The following SSX2IP variants were observed in gnomAD, a reference collection of about 807,000 sequenced individuals.
SSX2IP encodes the protein SSX family member 2 interacting protein.
Under a neutral mutation model 84.9 loss-of-function variants are expected in SSX2IP, and 55 were observed. The ratio of observed to expected loss-of-function variants is 0.65; its 90% confidence interval spans 0.52 to 0.81. The LOEUF (loss-of-function observed/expected upper bound fraction) is 0.81, where lower values mean the gene tolerates loss of function less well. Among genes scored for constraint, SSX2IP ranks in the 30% least tolerant of loss-of-function variants. The pLI, the probability that SSX2IP is intolerant of heterozygous loss-of-function variation, is 0.00. For missense variants in SSX2IP, 664 were observed against 705.2 expected, an observed-to-expected ratio of 0.94 and a Z score of 0.66; for synonymous variants, 239 against 234.7, an observed-to-expected ratio of 1.02 and a Z score of -0.17.
At chr1:84,666,048 C>G in intron 5 of SSX2IP, 74 bp downstream of exon 5, 1 of 1,069,088 alleles carries the variant, frequency 9.4e-7, no homozygotes, top group Non-Finnish European at 1.4e-6. Flanking sequence ...AGTAAAGTGG[C>G]TCTTATGGTC....
intron 13 of SSX2IP, 79 bp from the exon 14 acceptor site, chr1:84,647,686 C>A (rs1649643498): frequency 2.6e-5 from 24 of 927,308 alleles, no homozygotes; most frequent in East Asian, 1.6e-4. Context: ...TGGCACTCTT[C>A]AAAAAAAATA....
intron 1 of SSX2IP, among the ~76,000 whole-genome samples, chr1:84,689,201 G>A (rs1656232304): frequency 1.3e-5 from 2 of 152,110 alleles, no homozygotes; most frequent in South Asian, 2.1e-4. Flanking sequence ...GAACTTTAAA[G>A]GCATTTCTTT....
In SSX2IP at chr1:84,669,783, C is replaced by T; in HGVS notation, c.324G>A (p.Val108=). ...GAGCTAGAAGGTTCTTCCGCTGAAG[C>T]ACAAGCAGCTCATTCATACAATTTA... The part of the protein sequence containing the change: ...AVLNCMNELL[V]LQRKNLLAQE... The change falls in exon 4 of 14, where the codon GTG becomes GTA. Residue 108 remains valine (V), a synonymous_variant. Coordinates refer to ENST00000342203, the MANE Select transcript of SSX2IP (RefSeq NM_001166293.2). 1 of 1,613,796 alleles carries T rather than the reference C, an allele frequency of 6.2e-7. No homozygotes were observed. Among genetic ancestry groups the T allele is most frequent in the Non-Finnish European group, 8.5e-7 (1 of 1,179,766 alleles).
In SSX2IP at chr1:84,644,386, C is replaced by CAT. The variant is rs774037528; in HGVS notation, c.*3045_*3046dup. On this transcript the variant is annotated 3_prime_UTR_variant, in exon 14 of 14. Transcript: ENST00000342203. ...AGCAGGCAGCGTGCTTATCTGTCTT[C>CAT]ATATCACCAAGGATTGGAAAGCAGT... The CAT allele has an allele frequency of 3.3e-5, 5 of 152,148 alleles. No homozygotes were observed. Among genetic ancestry groups the CAT allele is most frequent in the African/African-American group, 1.2e-4 (5 of 41,434 alleles). 9.4% of individuals were successfully genotyped at this position (152,148 alleles called of 1,614,324 possible). A position where few individuals can be genotyped will look rare whatever the true frequency, so the allele number is the denominator to read the frequency against.
intron 1 of SSX2IP, among the ~76,000 whole-genome samples, chr1:84,676,089 C>T (rs1205758819): frequency 6.6e-6 from 1 of 152,206 alleles, no homozygotes; most frequent in Non-Finnish European, 1.5e-5. Flanking sequence ...TTCCAAGATA[C>T]AGCTACCCAA....
chr1:84,681,257 G>A (rs1655043533), intron 1 of SSX2IP, among the ~76,000 whole-genome samples: 1 of 152,196 alleles, frequency 6.6e-6, no homozygotes, highest in African/African-American at 2.4e-5. Context: ...TTGTTGAATT[G>A]CAGTATTATT....
chr1:84,667,335 C>T (rs895101795), intron 4 of SSX2IP, among the ~76,000 whole-genome samples: 2 of 152,104 alleles, frequency 1.3e-5, no homozygotes, highest in African/African-American at 4.8e-5. Flanking sequence ...TTCAATTTTT[C>T]ATAAAATCCT....
chr1:84,654,697 T>C (rs1485854870), intron 11 of SSX2IP, among the ~76,000 whole-genome samples: 1 of 152,124 alleles, frequency 6.6e-6, no homozygotes, highest in Admixed American at 6.5e-5. Flanking sequence ...TAATACAGAA[T>C]ATTTTCTGTG....
At chr1:84,677,610 T>C (rs1315106157) in intron 1 of SSX2IP, among the ~76,000 whole-genome samples, 1 of 152,144 alleles carries the variant, frequency 6.6e-6, no homozygotes, top group Non-Finnish European at 1.5e-5. Flanking sequence ...GTGAAGGGAT[T>C]TCACTTCCAA....
chr1:84,684,006 T>C (rs1655447857), intron 1 of SSX2IP, among the ~76,000 whole-genome samples: 1 of 152,180 alleles, frequency 6.6e-6, no homozygotes, highest in South Asian at 2.1e-4. Context: ...AAATCAAATT[T>C]TAAAATTACT....
chr1:84,655,301 T>A (rs1650914994), intron 11 of SSX2IP: 1 of 1,067,930 alleles, frequency 9.4e-7, no homozygotes, highest in Non-Finnish European at 1.1e-6. Context: ...TTTAATGAGT[T>A]TTGTTGATTT....
chr1:84,682,953 C>T (rs1655285618), intron 1 of SSX2IP, among the ~76,000 whole-genome samples: 1 of 152,126 alleles, frequency 6.6e-6, no homozygotes, highest in African/African-American at 2.4e-5. Flanking sequence ...TGTGTACGAA[C>T]TTATTCAATC....
rs376647351 is a variant in SSX2IP, at chr1:84,655,930, G to A, written c.1291C>T (p.Arg431Cys). Residue 431 changes from arginine to cysteine, a missense_variant, in exon 11 of 14, where the codon CGT (arginine) becomes TGT (cysteine). Coordinates refer to ENST00000342203, the MANE Select transcript of SSX2IP (RefSeq NM_001166293.2). ...RDCYLLEEKE[R>C]LKEEWSLFKE... ...AAAAGGGACCATTCTTCTTTGAGACGTTCCTTTTCTTCCAACAAATAACAG... is the reference window on the plus strand; with the variant it reads ...AAAAGGGACCATTCTTCTTTGAGACATTCCTTTTCTTCCAACAAATAACAG... 173 of 1,613,560 alleles carry A rather than the reference G, an allele frequency of 1.1e-4. No homozygotes were observed. Among genetic ancestry groups the A allele is most frequent in the Admixed American group, 8.0e-4 (48 of 59,980 alleles).
intron 5 of SSX2IP, among the ~76,000 whole-genome samples, chr1:84,665,465 T>C (rs190215847): frequency 6.6e-6 from 1 of 152,316 alleles, no homozygotes; most frequent in Non-Finnish European, 1.5e-5. Flanking sequence ...CTAAGTATTA[T>C]ATTTTTATAG....
chr1:84,674,065 A>G (rs566813336), intron 1 of SSX2IP, among the ~76,000 whole-genome samples: 32 of 152,326 alleles, frequency 2.1e-4, no homozygotes, highest in African/African-American at 7.2e-4. Context: ...CACTATAAGT[A>G]AAACAGAATC....
At position 84,647,572 on chromosome 1, in the gene SSX2IP, A is replaced by G. The variant is rs992581792; in HGVS notation, c.1706T>C (p.Ile569Thr). ...INVLNITAEE[I>T]KPNQVGGECT... ...TTCTCCTCCAACCTGATTTGGTTTA[A>G]TTTCTTCAGCAGTTATATTCAGTAC... Residue 569 changes from isoleucine to threonine, a missense_variant, in exon 14 of 14, where the codon ATT becomes ACT. By Grantham distance (89) the Ile-to-Thr change is moderately conservative (BLOSUM62 -1). Coordinates refer to ENST00000342203, the MANE Select transcript of SSX2IP (RefSeq NM_001166293.2). 2.5e-6 allele frequency: 4 copies of G among 1,611,678 alleles called. No homozygotes were observed. The highest frequency in any genetic ancestry group is 2.5e-6 in the Non-Finnish European group (3 of 1,178,850).
At chr1:84,688,455 T>G (rs1656098731) in intron 1 of SSX2IP, among the ~76,000 whole-genome samples, 2 of 152,334 alleles carry the variant, frequency 1.3e-5, no homozygotes, top group African/African-American at 4.8e-5. Context: ...GCATGTTAAA[T>G]GAATTAAAAT....
chr1:84,675,860 T>C (rs754514132), intron 1 of SSX2IP, among the ~76,000 whole-genome samples: 1 of 152,184 alleles, frequency 6.6e-6, no homozygotes, highest in Non-Finnish European at 1.5e-5. Flanking sequence ...ACCTGGGTCC[T>C]GGAAGCCCCT....
At chr1:84,664,017 G>A (rs1251923613) in intron 6 of SSX2IP, among the ~76,000 whole-genome samples, 3 of 152,040 alleles carry the variant, frequency 2.0e-5, no homozygotes, top group South Asian at 4.1e-4. Context: ...CTTATTTAAA[G>A]GAACTCAAAC....
Sources: gnomAD v4.1 joint callset for allele counts (sites outside exome capture counted in the v4.1 genomes callset) on GRCh38, gnomAD v4.1.1 for gene constraint, MANE v1.5 for transcripts, NCBI Gene and HGNC (gene_info 2026-07-23, HGNC 2026-07-21) for gene names.